WDR7: variants seen among roughly 807,000 people sequenced by gnomAD.
The protein encoded by WDR7 is WD repeat-containing protein 7.
Under a neutral mutation model 169.4 loss-of-function variants are expected in WDR7, and 46 were observed. The observed-to-expected ratio is 0.27, with a 90% CI of 0.21 to 0.35. WDR7 has a LOEUF of 0.35. WDR7 is among the 10% of genes least tolerant of loss of function. The probability of loss-of-function intolerance (pLI) is 1.00; values close to 1 mark genes in which losing one functional copy is unlikely to be tolerated. For missense variants in WDR7, 1,534 were observed against 1,859.3 expected, an observed-to-expected ratio of 0.83 and a Z score of 3.22; for synonymous variants, 612 against 666.8, an observed-to-expected ratio of 0.92 and a Z score of 1.27.
At chr18:56,940,550 G>A (rs1037017774) in intron 25 of WDR7, among the ~76,000 whole-genome samples, 2 of 152,150 alleles carry the variant, frequency 1.3e-5, no homozygotes, top group Non-Finnish European at 1.5e-5. Context: ...ACATTATGCC[G>A]TGTGTTTGGT....
intron 14 of WDR7, among the ~76,000 whole-genome samples, chr18:56,742,570 C>T (rs2043636396): frequency 6.6e-6 from 1 of 152,156 alleles, no homozygotes; most frequent in Non-Finnish European, 1.5e-5. Context: ...CTACTAGGTA[C>T]TGTGTTAGGT....
intron 20 of WDR7, among the ~76,000 whole-genome samples, chr18:56,822,955 G>A (rs2045124539): frequency 6.6e-6 from 1 of 152,092 alleles, no homozygotes; most frequent in Non-Finnish European, 1.5e-5. Flanking sequence ...AACCGTATAT[G>A]AAAATATTTC....
At chr18:56,911,249 T>A (rs1297892697) in intron 21 of WDR7, among the ~76,000 whole-genome samples, 1 of 152,208 alleles carries the variant, frequency 6.6e-6, no homozygotes, top group African/African-American at 2.4e-5. Context: ...ACCTCTTTAC[T>A]GCGCTGACTC....
At chr18:56,739,552 T>C (rs574297943) in intron 14 of WDR7, among the ~76,000 whole-genome samples, 2 of 152,322 alleles carry the variant, frequency 1.3e-5, no homozygotes, top group South Asian at 4.1e-4. Context: ...CTTTACATTT[T>C]TATGTTTTCA....
intron 14 of WDR7, among the ~76,000 whole-genome samples, chr18:56,746,717 T>A (rs1599011634): frequency 6.6e-6 from 1 of 152,324 alleles, no homozygotes; most frequent in East Asian, 1.9e-4. Context: ...TGTACTAGTA[T>A]AAGTAAGCAG....
intron 26 of WDR7, among the ~76,000 whole-genome samples, chr18:57,007,233 C>G (rs2048073957): frequency 6.6e-6 from 1 of 152,166 alleles, no homozygotes; most frequent in Non-Finnish European, 1.5e-5. Context: ...CCCGCCTTGG[C>G]CTCCCAAAGT....
intron 26 of WDR7, among the ~76,000 whole-genome samples, chr18:56,994,921 C>A (rs2047876581): frequency 6.6e-6 from 1 of 152,136 alleles, no homozygotes; most frequent in African/African-American, 2.4e-5. Flanking sequence ...ATTCTTTCAA[C>A]AAAAATTTCA....
At position 56,714,805 on chromosome 18, in the gene WDR7, C is replaced by T. The variant is rs545529047; in HGVS notation, c.1579-3159C>T. ...AGGGGAATAAAAGTATTCTTTAAAA[C>T]ATATTTAGTTAAATATATGTGTCAG... On this transcript the variant is annotated intron_variant, in intron 12 of 27. Transcript: ENST00000254442. Among the ~76,000 whole-genome samples, 61 of 152,278 alleles carry T rather than the reference C, an allele frequency of 4.0e-4. 3 individuals carry two copies. The East Asian group carries it at 0.011, about 28-fold the overall frequency.
At chr18:56,839,293 C>A (rs2045444619) in intron 20 of WDR7, among the ~76,000 whole-genome samples, 1 of 152,024 alleles carries the variant, frequency 6.6e-6, no homozygotes, top group Admixed American at 6.6e-5. Flanking sequence ...ATAATGGACG[C>A]CCATTTACTA....
intron 26 of WDR7, among the ~76,000 whole-genome samples, chr18:57,005,838 T>G (rs1368016035): frequency 6.6e-6 from 1 of 152,196 alleles, no homozygotes; most frequent in Non-Finnish European, 1.5e-5. Context: ...TCTCATCTTT[T>G]AAGAAAGTTT....
chr18:56,983,078 T>C (rs773586765), intron 26 of WDR7, among the ~76,000 whole-genome samples: 31 of 152,130 alleles, frequency 2.0e-4, no homozygotes, highest in Non-Finnish European at 4.0e-4. Context: ...ATTAAATAGG[T>C]CAACACAAAT....
At chr18:56,957,189 G>A (rs1245617945) in intron 25 of WDR7, 2 of 152,182 alleles carry the variant, frequency 1.3e-5, no homozygotes, top group African/African-American at 4.8e-5. Flanking sequence ...GCTGACATGA[G>A]AGGACCATCC....
rs191898184 is a variant in WDR7 at position 57,024,906 on chromosome 18, A to G, written c.4270-2098A>G. On this transcript the variant is annotated intron_variant, in intron 27 of 27. Coordinates refer to ENST00000254442, the MANE Select transcript of WDR7 (RefSeq NM_015285.3). ...CAGGAATAGGGATATGTGAACTATG[A>G]TAGTTATGTCCCTTATAGAATTTCA... is the stretch of plus-strand genomic sequence containing the variant. Among the ~76,000 whole-genome samples the G allele has an allele frequency of 3.0e-4, 41 of 135,396 alleles. 1 individual carries two copies. The highest frequency in any genetic ancestry group is 5.3e-4 in the African/African-American group (19 of 35,926). The allele number at this position is 135,396 out of a possible 152,430, so 88.8% of individuals were successfully genotyped here.
chr18:56,756,473 A>C, intron 14 of WDR7, 110 bp from the exon 15 acceptor site: 1 of 995,972 alleles, frequency 1.0e-6, no homozygotes, highest in Non-Finnish European at 1.4e-6. Context: ...GGTTCCTAGA[A>C]GGACAGCTTA....
intron 20 of WDR7, among the ~76,000 whole-genome samples, chr18:56,857,249 G>A (rs2045734248): frequency 6.6e-6 from 1 of 151,960 alleles, no homozygotes. Context: ...GAACATATTG[G>A]TAGCATAAAA....
intron 20 of WDR7, among the ~76,000 whole-genome samples, chr18:56,851,828 C>T (rs1372718163): frequency 6.6e-6 from 1 of 152,114 alleles, no homozygotes; most frequent in Admixed American, 6.5e-5. Flanking sequence ...ATATAGGTGC[C>T]TTCCCCCACC....
At chr18:56,971,139 A>C (rs1599206433) in intron 26 of WDR7, among the ~76,000 whole-genome samples, 1 of 151,924 alleles carries the variant, frequency 6.6e-6, no homozygotes. Context: ...GAGCATGGTG[A>C]TAGGTGCCTG....
At chr18:56,839,662 T>C (rs2045450621) in intron 20 of WDR7, among the ~76,000 whole-genome samples, 1 of 152,240 alleles carries the variant, frequency 6.6e-6, no homozygotes, top group Non-Finnish European at 1.5e-5. Context: ...CAGCCACTTA[T>C]TTTTGAAGTC....
At chr18:56,869,545 C>G (rs1267409439) in intron 20 of WDR7, among the ~76,000 whole-genome samples, 2 of 152,076 alleles carry the variant, frequency 1.3e-5, no homozygotes, top group Non-Finnish European at 2.9e-5. Context: ...CAAAGTAACT[C>G]AAATATGTGT....
Sources: gnomAD v4.1 joint callset for allele counts (sites outside exome capture counted in the v4.1 genomes callset) on GRCh38, gnomAD v4.1.1 for gene constraint, MANE v1.5 for transcripts, NCBI Gene and HGNC (gene_info 2026-07-23, HGNC 2026-07-21) for gene names.